KAZN: variants seen among roughly 807,000 people sequenced by gnomAD.
KAZN encodes the protein kazrin, periplakin interacting protein, also known as kazrin.
Under a neutral mutation model 87.4 loss-of-function variants are expected in KAZN, and 40 were observed. The observed-to-expected ratio is 0.46, with a 90% CI of 0.36 to 0.60. KAZN has a LOEUF of 0.60. Ranked by LOEUF, KAZN falls within the 20% of genes least tolerant of loss-of-function variation. The probability of loss-of-function intolerance (pLI) is 0.00; values close to 1 mark genes in which losing one functional copy is unlikely to be tolerated. For synonymous variants in KAZN, 466 were observed against 458.3 expected (o/e 1.02, Z -0.22); for missense variants, 898 against 1,073.9 (o/e 0.84, Z 2.29).
At chr1:14,975,896 G>C (rs1457007733) in intron 2 of KAZN, among the ~76,000 whole-genome samples, 1 of 152,034 alleles carries the variant, frequency 6.6e-6, no homozygotes, top group African/African-American at 2.4e-5. Flanking sequence ...ACTGGGCGTA[G>C]TGGCGGGCGC....
At chr1:14,146,496 A>G (rs1318830776) in intron 1 of KAZN, among the ~76,000 whole-genome samples, 5 of 141,130 alleles carry the variant, frequency 3.5e-5, no homozygotes, top group African/African-American at 1.3e-4. Context: ...AGATTGCGCC[A>G]TTGCACTCCA....
At chr1:14,116,601 C>T (rs898720971) in intron 1 of KAZN, among the ~76,000 whole-genome samples, 3 of 152,192 alleles carry the variant, frequency 2.0e-5, no homozygotes, top group Non-Finnish European at 4.4e-5. Context: ...TAGGGCAGTG[C>T]AGAAGGGAAA....
chr1:14,685,628 C>T (rs1640909606), intron 1 of KAZN, among the ~76,000 whole-genome samples: 1 of 152,214 alleles, frequency 6.6e-6, no homozygotes. Flanking sequence ...TGGTTAGTTT[C>T]AAGCCTGTGT....
chr1:14,399,321 G>A (rs1242867452), intron 2 of KAZN, among the ~76,000 whole-genome samples: 3 of 152,054 alleles, frequency 2.0e-5, no homozygotes, highest in Non-Finnish European at 4.4e-5. Context: ...TCAACCCAAA[G>A]ATGTTTTGAT....
chr1:14,812,988 C>A (rs1368077120), intron 1 of KAZN, among the ~76,000 whole-genome samples: 1 of 152,190 alleles, frequency 6.6e-6, no homozygotes, highest in African/African-American at 2.4e-5. Flanking sequence ...GCTAACCCAA[C>A]CAACCATTTG....
At chr1:14,249,084 C>T (rs72644435) in intron 2 of KAZN, among the ~76,000 whole-genome samples, 4,577 of 152,284 alleles carry the variant, frequency 0.03, 115 homozygotes, top group East Asian at 0.11. Flanking sequence ...TTACATCCTG[C>T]CTGCTAAAGC....
At chr1:14,206,954 T>G (rs536587451) in intron 2 of KAZN, among the ~76,000 whole-genome samples, 1 of 111,034 alleles carries the variant, frequency 9.0e-6, no homozygotes, top group African/African-American at 3.6e-5. Context: ...CTTTTCTTCT[T>G]CTTTTTCTTT....
rs147567290 is a variant in KAZN, at chr1:14,724,318, A to C, written c.226+125095A>C. Among the ~76,000 whole-genome samples the C allele has an allele frequency of 3.0e-3, 451 of 152,298 alleles. 8 individuals carry two copies. Among genetic ancestry groups the C allele is most frequent in the African/African-American group, 0.01 (434 of 41,572 alleles). ...AATGATGGAAAGATTTTTTCTTCTT[A>C]TTCTCTGCACAGTAACCACAATATC... On this transcript the variant is annotated intron_variant, in intron 1 of 14. Coordinates refer to ENST00000376030, the MANE Select transcript of KAZN (RefSeq NM_201628.3).
At chr1:14,505,283 G>C (rs1459830323) in intron 2 of KAZN, among the ~76,000 whole-genome samples, 1 of 152,178 alleles carries the variant, frequency 6.6e-6, no homozygotes, top group Non-Finnish European at 1.5e-5. Flanking sequence ...GGGTGGGTCT[G>C]AACATGGTTC....
chr1:14,114,533 T>C (rs1444802290), intron 1 of KAZN, among the ~76,000 whole-genome samples: 1 of 151,804 alleles, frequency 6.6e-6, no homozygotes, highest in African/African-American at 2.4e-5. Flanking sequence ...CCCCATATCC[T>C]CCATATCCAG....
chr1:14,119,646 A>G (rs1435196526), intron 1 of KAZN, among the ~76,000 whole-genome samples: 1 of 152,172 alleles, frequency 6.6e-6, no homozygotes, highest in African/African-American at 2.4e-5. Context: ...TTAACTCTTT[A>G]GCTAGAGAGA....
intron 2 of KAZN, among the ~76,000 whole-genome samples, chr1:14,486,900 C>G (rs573440742): frequency 6.6e-6 from 1 of 152,202 alleles, no homozygotes; most frequent in Admixed American, 6.5e-5. Context: ...CTGTAAATTA[C>G]GGGTTCTGTC....
chr1:14,858,994 C>A (rs948140181), intron 1 of KAZN, among the ~76,000 whole-genome samples: 1 of 152,102 alleles, frequency 6.6e-6, no homozygotes, highest in Non-Finnish European at 1.5e-5. Context: ...ATCACGAGGT[C>A]AGGAGATCGA....
intron 1 of KAZN, among the ~76,000 whole-genome samples, chr1:14,782,554 CAAAAAAAAAAAAAAA>C (rs71572122): frequency 6.0e-5 from 4 of 66,252 alleles, no homozygotes; most frequent in South Asian, 1.5e-3. Context: ...CCTCAAAGAG[CAAAAAAAAAAAAAAA>C]AAAAAAAAAG....
chr1:14,148,937 T>A (rs181121947), intron 1 of KAZN, among the ~76,000 whole-genome samples: 2 of 152,254 alleles, frequency 1.3e-5, no homozygotes, highest in East Asian at 3.9e-4. Flanking sequence ...TTGGCTTTTA[T>A]ATTTTGGTCT....
At chr1:14,790,003 C>A (rs1165829383) in intron 1 of KAZN, among the ~76,000 whole-genome samples, 1 of 150,344 alleles carries the variant, frequency 6.7e-6, no homozygotes, top group Non-Finnish European at 1.5e-5. Flanking sequence ...CTTTTTTTTT[C>A]TTTTTTCTTT....
At chr1:13,893,385 G>T in exon 1 of KAZN, 1 of 329,612 alleles carries the variant, frequency 3.0e-6, no homozygotes, top group East Asian at 5.9e-5. Flanking sequence ...TCCTGGTTAG[G>T]GGGAAACTTA....
chr1:14,214,127 A>G (rs527668586), intron 2 of KAZN, among the ~76,000 whole-genome samples: 5 of 152,224 alleles, frequency 3.3e-5, no homozygotes, highest in Admixed American at 3.3e-4. Flanking sequence ...GGAATCATCT[A>G]TGTATAATTG....
chr1:15,064,573 C>T (rs1302052581), intron 7 of KAZN, among the ~76,000 whole-genome samples: 1 of 152,226 alleles, frequency 6.6e-6, no homozygotes. Context: ...ATATTGTTTT[C>T]CCACGTCACA....
Sources: allele counts gnomAD v4.1 joint callset (sites outside exome capture counted in the v4.1 genomes callset), GRCh38; gene constraint gnomAD v4.1.1; transcripts MANE v1.5; gene names NCBI Gene and HGNC (gene_info 2026-07-23, HGNC 2026-07-21).